Variants in TTLL11 observed in about 807,000 individuals in gnomAD.
TTLL11 encodes the protein tubulin tyrosine ligase like 11.
In TTLL11, 42 loss-of-function variants were observed where a neutral mutation model predicts 51.7. The ratio of observed to expected loss-of-function variants is 0.81; its 90% CI spans 0.64 to 1.05. The LOEUF (loss-of-function observed/expected upper bound fraction) is 1.05. Among genes scored for constraint, TTLL11 ranks in the 50% least tolerant of loss-of-function variants. The probability of loss-of-function intolerance (pLI) is 0.00; values close to 1 mark genes in which losing one functional copy is unlikely to be tolerated. For missense variants in TTLL11, 799 were observed against 940.4 expected, an observed-to-expected ratio of 0.85 and a Z score of 1.97; for synonymous variants, 381 against 383.5, an observed-to-expected ratio of 0.99 and a Z score of 0.08.
intron 1 of TTLL11, among the ~76,000 whole-genome samples, chr9:122,057,961 C>T (rs907696079): frequency 6.6e-6 from 1 of 152,196 alleles, no homozygotes; most frequent in African/African-American, 2.4e-5. Flanking sequence ...CAGTCCCTGT[C>T]TTCAGGATGG....
chr9:121,932,158 G>A (rs2131555346), intron 6 of TTLL11, among the ~76,000 whole-genome samples: 1 of 152,286 alleles, frequency 6.6e-6, no homozygotes, highest in South Asian at 2.1e-4. Context: ...GTTCTTGAGA[G>A]TTGACCTTTA....
chr9:121,979,757 T>C (rs1842789210), intron 4 of TTLL11, among the ~76,000 whole-genome samples: 1 of 152,094 alleles, frequency 6.6e-6, no homozygotes, highest in African/African-American at 2.4e-5. Context: ...TTGCCCAAAA[T>C]CCGTGTCTAC....
At chr9:121,900,426 CT>C (rs924899757) in intron 6 of TTLL11, among the ~76,000 whole-genome samples, 1 of 152,150 alleles carries the variant, frequency 6.6e-6, no homozygotes, top group African/African-American at 2.4e-5. Flanking sequence ...TTTTCTTTGT[CT>C]TTGTTATTTA....
chr9:121,962,775 C>A (rs1588157944), intron 6 of TTLL11, among the ~76,000 whole-genome samples: 1 of 152,350 alleles, frequency 6.6e-6, no homozygotes, highest in East Asian at 1.9e-4. Flanking sequence ...TATATTCATT[C>A]TGGTTGTGAA....
intron 1 of TTLL11, among the ~76,000 whole-genome samples, chr9:122,055,060 T>A (rs916672823): frequency 1.3e-5 from 2 of 152,094 alleles, no homozygotes; most frequent in African/African-American, 4.8e-5. Flanking sequence ...ATTCAACACA[T>A]AAGCAAGTCA....
chr9:121,959,854 G>A (rs539178051), intron 6 of TTLL11, among the ~76,000 whole-genome samples: 41 of 151,860 alleles, frequency 2.7e-4, no homozygotes, highest in South Asian at 4.2e-4. Flanking sequence ...TCTTGACACC[G>A]TCCCTGCTTG....
At chr9:121,922,760 A>T (rs892114393) in intron 6 of TTLL11, among the ~76,000 whole-genome samples, 16 of 148,222 alleles carry the variant, frequency 1.1e-4, no homozygotes, top group Non-Finnish European at 1.8e-4. Flanking sequence ...ATATCTATTC[A>T]GTGTGTGTGT....
intron 6 of TTLL11, among the ~76,000 whole-genome samples, chr9:121,971,757 A>AAAAAAAG (rs1469417554): frequency 1.3e-5 from 2 of 150,614 alleles, no homozygotes; most frequent in Non-Finnish European, 3.0e-5. Context: ...AAAAAAAAAA[A>AAAAAAAG]AAAAGAAAAT....
chr9:122,014,006 T>G (rs549155112), intron 3 of TTLL11, among the ~76,000 whole-genome samples: 1 of 152,186 alleles, frequency 6.6e-6, no homozygotes, highest in African/African-American at 2.4e-5. Flanking sequence ...GAAGAAGCCT[T>G]GGCGGGTGGG....
Position 121,995,982 on chromosome 9 carries a change from T to A in TTLL11, c.694-6212A>T, listed in dbSNP as rs1015116024. 1.3e-5 allele frequency among the ~76,000 whole-genome samples: 2 copies of A among 152,182 alleles called. No homozygotes were observed. The highest frequency in any genetic ancestry group is 1.3e-4 in the Admixed American group (2 of 15,292). On this transcript the variant is annotated intron_variant, in intron 3 of 8. Coordinates refer to ENST00000321582, the MANE Select transcript of TTLL11 (RefSeq NM_001139442.2). The surrounding 1 kb of genome is among the most constrained non-coding windows in gnomAD (Gnocchi z 4.4). ...CTGTGCAGGCAAACATTTTCAGCAC[T>A]CCCTGGCTTTTGAAGAGTTCCAGTT...
At chr9:122,088,348 C>T (rs1214900044) in intron 1 of TTLL11, among the ~76,000 whole-genome samples, 1 of 152,208 alleles carries the variant, frequency 6.6e-6, no homozygotes, top group East Asian at 1.9e-4. Context: ...ATTCCTCCTC[C>T]TACACCAGGA....
At chr9:121,850,030 AT>A (rs1280759020) in intron 8 of TTLL11, among the ~76,000 whole-genome samples, 4 of 151,622 alleles carry the variant, frequency 2.6e-5, no homozygotes, top group Admixed American at 6.6e-5. Flanking sequence ...GTTACACTGT[AT>A]TTTTTATTTG....
At chr9:122,019,572 C>G (rs186641935) in intron 3 of TTLL11, among the ~76,000 whole-genome samples, 1 of 152,328 alleles carries the variant, frequency 6.6e-6, no homozygotes, top group Non-Finnish European at 1.5e-5. Flanking sequence ...ACATCAGCCT[C>G]CCGAGTAGGT....
chr9:122,030,143 G>A (rs1467656292), intron 3 of TTLL11, among the ~76,000 whole-genome samples: 4 of 138,876 alleles, frequency 2.9e-5, no homozygotes, highest in Non-Finnish European at 4.6e-5. Context: ...GCAAAGCTGG[G>A]AAGGAAAGGT....
chr9:122,077,103 G>C (rs1411589226), intron 1 of TTLL11, among the ~76,000 whole-genome samples: 1 of 152,162 alleles, frequency 6.6e-6, no homozygotes, highest in Non-Finnish European at 1.5e-5. Context: ...AGGAGAAAAT[G>C]AAGGTAATTT....
intron 8 of TTLL11, among the ~76,000 whole-genome samples, chr9:121,837,542 G>A (rs897961381): frequency 6.6e-6 from 1 of 152,122 alleles, no homozygotes; most frequent in African/African-American, 2.4e-5. Context: ...GGGGAGGAAA[G>A]GGAGTTTGTC....
chr9:121,950,507 G>A (rs1049483146), intron 6 of TTLL11, among the ~76,000 whole-genome samples: 1 of 152,224 alleles, frequency 6.6e-6, no homozygotes, highest in Non-Finnish European at 1.5e-5. Flanking sequence ...AAAGACTGGT[G>A]TCAAGGGTGG....
intron 6 of TTLL11, among the ~76,000 whole-genome samples, chr9:121,913,696 T>C (rs1292013348): frequency 6.6e-6 from 1 of 152,236 alleles, no homozygotes; most frequent in Non-Finnish European, 1.5e-5. Context: ...ACTACTGAAC[T>C]GACACCTGAA....
chr9:121,846,200 T>A (rs1353557474), intron 8 of TTLL11, among the ~76,000 whole-genome samples: 1 of 152,156 alleles, frequency 6.6e-6, no homozygotes, highest in Non-Finnish European at 1.5e-5. Context: ...AGGTGAGTAA[T>A]AATGATAAAG....
Sources: allele counts gnomAD v4.1 joint callset (sites outside exome capture counted in the v4.1 genomes callset), GRCh38; gene constraint gnomAD v4.1.1; non-coding constraint Gnocchi (gnomAD v3.1); transcripts MANE v1.5; gene names NCBI Gene and HGNC (gene_info 2026-07-23, HGNC 2026-07-21).